PIEZO2: variants seen among roughly 807,000 people sequenced by gnomAD.
The protein encoded by PIEZO2 is piezo-type mechanosensitive ion channel component 2.
Under a neutral mutation model 337.3 loss-of-function variants are expected in PIEZO2, and 172 were observed. The ratio of observed to expected loss-of-function variants is 0.51; its 90% CI spans 0.45 to 0.58. PIEZO2 has a LOEUF of 0.58. Among genes scored for constraint, PIEZO2 ranks in the 20% least tolerant of loss-of-function variants. The pLI is 0.00. For synonymous variants in PIEZO2, 1,251 were observed against 1,228.5 expected, an observed-to-expected ratio of 1.02 and a Z score of -0.38; for missense variants, 3,028 against 3,391.3, an observed-to-expected ratio of 0.89 and a Z score of 2.66.
rs1438183870 is a variant in PIEZO2 at position 11,127,316 on chromosome 18, G to C, written c.64+21209C>G. On this transcript the variant is annotated intron_variant, in intron 1 of 55. Coordinates refer to ENST00000674853, the MANE Select transcript of PIEZO2 (RefSeq NM_001378183.1). This position sits in a 1 kb window ranked among gnomAD's most constrained non-coding sequence, Gnocchi z 4.5. ...AAAATAGTTGCATCTGAATGTGATG[G>C]TTAATACTGAGTGTGAACTTGATTG... Among the ~76,000 whole-genome samples, 1 of 152,316 alleles carries C rather than the reference G, an allele frequency of 6.6e-6. No homozygotes were observed. The highest frequency in any genetic ancestry group is 1.9e-4 in the East Asian group (1 of 5,186).
At chr18:11,124,099 G>C (rs1261314212) in intron 1 of PIEZO2, among the ~76,000 whole-genome samples, 1 of 152,138 alleles carries the variant, frequency 6.6e-6, no homozygotes, top group Non-Finnish European at 1.5e-5. Context: ...CCAGAGTTTA[G>C]GTAAGTATAT....
At position 11,149,521 on chromosome 18, in the gene PIEZO2, C is replaced by A. The variant is rs2040899956; in HGVS notation, c.-933G>T. 6.6e-6 allele frequency among the ~76,000 whole-genome samples: 1 copy of A among 152,020 alleles called. No individual in the cohort carries two copies. Among genetic ancestry groups the A allele is most frequent in the East Asian group, 2.0e-4 (1 of 5,110 alleles). On this transcript the variant is annotated 5_prime_UTR_variant, in exon 1 of 56. Coordinates refer to ENST00000674853, the MANE Select transcript of PIEZO2 (RefSeq NM_001378183.1). This position sits in a 1 kb window ranked among gnomAD's most constrained non-coding sequence, Gnocchi z 8.7. ...GCCTGCCGCCTTGCAGCCTCGCCCT[C>A]GCGGCGCAGCCGGGGCTCCCCGGCG...
At chr18:11,145,976 AC>A (rs2146303383) in intron 1 of PIEZO2, among the ~76,000 whole-genome samples, 1 of 152,052 alleles carries the variant, frequency 6.6e-6, no homozygotes, top group African/African-American at 2.4e-5. Flanking sequence ...AGCAAGGGGG[AC>A]CACTACCTTC....
At chr18:10,914,427 A>G (rs1005504929) in intron 3 of PIEZO2, among the ~76,000 whole-genome samples, 20 of 152,148 alleles carry the variant, frequency 1.3e-4, no homozygotes, top group African/African-American at 4.8e-4. Flanking sequence ...TCCCTCATAT[A>G]AAACAGTGTA....
chr18:11,081,444 TC>T (rs1180406586), intron 1 of PIEZO2, among the ~76,000 whole-genome samples: 1 of 152,198 alleles, frequency 6.6e-6, no homozygotes. Context: ...ATCCTAAGCC[TC>T]AAGGTAACTT....
At chr18:11,039,910 T>C (rs1403039534) in intron 2 of PIEZO2, among the ~76,000 whole-genome samples, 2 of 152,116 alleles carry the variant, frequency 1.3e-5, no homozygotes, top group Admixed American at 1.3e-4. Context: ...TACAACTGCA[T>C]TAACCTCTCC....
In PIEZO2 at chr18:11,083,968, G is replaced by A. The variant is rs2038833759; in HGVS notation, c.65-17746C>T. On this transcript the variant is annotated intron_variant, in intron 1 of 55. Transcript: ENST00000674853. The surrounding 1 kb of genome is among the most constrained non-coding windows in gnomAD (Gnocchi z 4.4). ...AAGGCGGGCTGACCAACTGAGGTCAGGAGTTCAAGACCAGCCTGGCCAATA... is the reference window on the plus strand; with the variant it reads ...AAGGCGGGCTGACCAACTGAGGTCAAGAGTTCAAGACCAGCCTGGCCAATA... Among the ~76,000 whole-genome samples the A allele has an allele frequency of 6.6e-6, 1 of 152,142 alleles. No individual in the cohort carries two copies. Among genetic ancestry groups the A allele is most frequent in the Non-Finnish European group, 1.5e-5 (1 of 68,038 alleles).
Position 10,809,288 on chromosome 18 carries a change from T to TTTC in PIEZO2, c.918-2015_918-2014insGAA. 1.5e-5 allele frequency among the ~76,000 whole-genome samples: 2 copies of TTTC among 130,020 alleles called. 1 individual carries two copies. Among genetic ancestry groups the TTTC allele is most frequent in the South Asian group, 5.2e-4 (2 of 3,828 alleles). The allele number at this position is 130,020 out of a possible 152,430, so 85.3% of individuals were successfully genotyped here. ...TTTTTTTTTTTTTTTTTTTTTTTTT[T>TTTC]TGAGACAGAGTCTCACTCCGTCGCC... On this transcript the variant is annotated intron_variant, in intron 7 of 55. Coordinates refer to ENST00000674853, the MANE Select transcript of PIEZO2 (RefSeq NM_001378183.1).
intron 2 of PIEZO2, among the ~76,000 whole-genome samples, chr18:11,037,120 G>A (rs1371589802): frequency 1.3e-5 from 2 of 152,040 alleles, no homozygotes; most frequent in African/African-American, 4.8e-5. Flanking sequence ...ACCCACCACT[G>A]CACCTGGCTA....
Position 11,116,111 on chromosome 18 carries a change from A to G in PIEZO2, c.64+32414T>C, listed in dbSNP as rs1326233327. ...ACAAACATAATACAGTACCCTGTAA[A>G]GATACAGTAGCTATAATTGCTATTT... On this transcript the variant is annotated intron_variant, in intron 1 of 55. Transcript: ENST00000674853. This position sits in a 1 kb window ranked among gnomAD's most constrained non-coding sequence, Gnocchi z 5.0. Among the ~76,000 whole-genome samples, 1 of 152,230 alleles carries G rather than the reference A, an allele frequency of 6.6e-6. No homozygotes were observed. The highest frequency in any genetic ancestry group is 1.5e-5 in the Non-Finnish European group (1 of 68,040).
intron 7 of PIEZO2, among the ~76,000 whole-genome samples, chr18:10,810,948 T>A (rs1451933407): frequency 6.6e-6 from 1 of 152,210 alleles, no homozygotes; most frequent in Non-Finnish European, 1.5e-5. Flanking sequence ...TCACACAGGA[T>A]ACCAGCTGTT....
chr18:10,725,476 T>C (rs1014473971), intron 36 of PIEZO2: 6 of 1,528,412 alleles, frequency 3.9e-6, no homozygotes, highest in African/African-American at 2.7e-5. Flanking sequence ...GGTGTGGGTA[T>C]CCGGGTGGAT....
At chr18:10,779,647 G>T (rs1716856864) in intron 18 of PIEZO2, among the ~76,000 whole-genome samples, 2 of 152,174 alleles carry the variant, frequency 1.3e-5, no homozygotes, top group Non-Finnish European at 2.9e-5. Flanking sequence ...TTCAAGTAGA[G>T]ATATATTTGA....
Position 10,868,797 on chromosome 18 carries a change from A to T in PIEZO2, c.492+2456T>A, listed in dbSNP as rs1484875762. 2.0e-5 allele frequency among the ~76,000 whole-genome samples: 3 copies of T among 152,254 alleles called. No individual in the cohort carries two copies. The East Asian group carries it at 5.8e-4, about 29-fold the overall frequency. On this transcript the variant is annotated intron_variant, in intron 5 of 55. Coordinates refer to ENST00000674853, the MANE Select transcript of PIEZO2 (RefSeq NM_001378183.1). ...ACTGCATTGTGTTCTTTTCTTCATCAGATGAATGGCACCTCATCATGACCT... is the reference window on the plus strand; with the variant it reads ...ACTGCATTGTGTTCTTTTCTTCATCTGATGAATGGCACCTCATCATGACCT...
chr18:11,075,786 CTTTTTTT>C (rs147029235), intron 1 of PIEZO2, among the ~76,000 whole-genome samples: 8 of 125,242 alleles, frequency 6.4e-5, no homozygotes, highest in South Asian at 2.6e-4. Flanking sequence ...AGATATATTT[CTTTTTTT>C]TTTTTTTTTT....
chr18:10,901,162 C>T (rs1255571430), intron 4 of PIEZO2, among the ~76,000 whole-genome samples: 1 of 152,104 alleles, frequency 6.6e-6, no homozygotes, highest in African/African-American at 2.4e-5. Context: ...AGAATCCATC[C>T]CATCTGATTC....
intron 2 of PIEZO2, among the ~76,000 whole-genome samples, chr18:10,984,547 A>G (rs568741024): frequency 1.3e-5 from 2 of 152,078 alleles, no homozygotes; most frequent in Non-Finnish European, 2.9e-5. Context: ...AGGAACAAGC[A>G]CACAAAAAAA....
At position 11,104,065 on chromosome 18, in the gene PIEZO2, C is replaced by T. The variant is rs1266939101; in HGVS notation, c.65-37843G>A. On this transcript the variant is annotated intron_variant, in intron 1 of 55. Transcript: ENST00000674853. The surrounding 1 kb of genome is among the most constrained non-coding windows in gnomAD (Gnocchi z 4.6). Reference sequence around the variant, plus strand: ...TTACTGGTTTTCATGTCTTCATTTCCAGTTGAAGACAATAGTGTAATAGGA... The same window carrying T: ...TTACTGGTTTTCATGTCTTCATTTCTAGTTGAAGACAATAGTGTAATAGGA... 1.3e-5 allele frequency among the ~76,000 whole-genome samples: 2 copies of T among 152,086 alleles called. No homozygotes were observed. Among genetic ancestry groups the T allele is most frequent in the Non-Finnish European group, 2.9e-5 (2 of 68,002 alleles).
chr18:10,931,932 A>G (rs1443352055), intron 3 of PIEZO2, among the ~76,000 whole-genome samples: 1 of 152,184 alleles, frequency 6.6e-6, no homozygotes, highest in African/African-American at 2.4e-5. Context: ...GGTTGTTTCA[A>G]TAATGAATGA....
Sources: gnomAD v4.1 joint callset for allele counts (sites outside exome capture counted in the v4.1 genomes callset) on GRCh38, gnomAD v4.1.1 for gene constraint, Gnocchi (gnomAD v3.1) non-coding constraint, MANE v1.5 for transcripts, NCBI Gene and HGNC (gene_info 2026-07-23, HGNC 2026-07-21) for gene names.